MAGI2: variants seen among roughly 807,000 people sequenced by gnomAD.
The protein encoded by MAGI2 is membrane associated guanylate kinase, WW and PDZ domain containing 2, also known as membrane-associated guanylate kinase, WW and PDZ domain-containing protein 2.
A neutral mutation model predicts 133.3 loss-of-function variants in MAGI2; 35 were observed. The observed-to-expected ratio is 0.26, with a 90% CI of 0.20 to 0.35. The LOEUF (loss-of-function observed/expected upper bound fraction) is 0.35, where lower values mean the gene tolerates loss of function less well. Ranked by LOEUF, MAGI2 falls within the 10% of genes least tolerant of loss-of-function variation. The pLI, the probability that MAGI2 is intolerant of heterozygous loss-of-function variation, is 1.00. For missense variants in MAGI2, 1,636 were observed against 1,863.4 expected (o/e 0.88, Z 2.25); for synonymous variants, 729 against 710.6 (o/e 1.03, Z -0.41).
intron 2 of MAGI2, among the ~76,000 whole-genome samples, chr7:79,005,085 GA>G (rs965503054): frequency 0.013 from 1,100 of 85,024 alleles, 3 homozygotes; most frequent in East Asian, 0.045. Flanking sequence ...TCCATCTCAA[GA>G]AAAAAAAAAA....
At chr7:78,810,182 T>TTA (rs1181545986) in intron 2 of MAGI2, among the ~76,000 whole-genome samples, 1 of 152,152 alleles carries the variant, frequency 6.6e-6, no homozygotes, top group Admixed American at 6.5e-5. Flanking sequence ...GATTTTTTTT[T>TTA]TATATAACTA....
intron 1 of MAGI2, among the ~76,000 whole-genome samples, chr7:79,026,949 C>A (rs928389890): frequency 6.6e-5 from 10 of 151,798 alleles, no homozygotes; most frequent in Middle Eastern, 3.2e-3. Context: ...GACCAAAAGA[C>A]ATATTTAAAA....
intron 2 of MAGI2, among the ~76,000 whole-genome samples, chr7:78,644,064 G>C (rs1309857730): frequency 6.6e-6 from 1 of 151,860 alleles, no homozygotes; most frequent in African/African-American, 2.4e-5. Context: ...TTAGAGCAAA[G>C]AACATTAACA....
chr7:79,176,783 T>TA (rs1231330443), intron 1 of MAGI2, among the ~76,000 whole-genome samples: 1 of 151,958 alleles, frequency 6.6e-6, no homozygotes, highest in Non-Finnish European at 1.5e-5. Flanking sequence ...AATAATTTTT[T>TA]AAAAAAATCA....
intron 2 of MAGI2, among the ~76,000 whole-genome samples, chr7:78,784,991 G>A (rs976287333): frequency 1.1e-4 from 16 of 152,208 alleles, no homozygotes; most frequent in African/African-American, 3.4e-4. Context: ...CATGGTGCCT[G>A]GCTAAGATTA....
intron 6 of MAGI2, among the ~76,000 whole-genome samples, chr7:78,476,379 G>A (rs1023359759): frequency 1.3e-5 from 2 of 151,778 alleles, no homozygotes; most frequent in African/African-American, 4.8e-5. Flanking sequence ...AAGATAATGC[G>A]GGAGAAAGTA....
intron 2 of MAGI2, among the ~76,000 whole-genome samples, chr7:78,962,718 A>G (rs533938631): frequency 6.6e-6 from 1 of 152,154 alleles, no homozygotes; most frequent in South Asian, 2.1e-4. Context: ...GGCAATAGTC[A>G]TTATTCAATT....
At chr7:78,484,493 T>C (rs1254433237) in intron 6 of MAGI2, 1 of 151,926 alleles carries the variant, frequency 6.6e-6, no homozygotes, top group Non-Finnish European at 1.5e-5. Flanking sequence ...AGCCACCCAG[T>C]TCATGCAGAT....
intron 2 of MAGI2, among the ~76,000 whole-genome samples, chr7:78,671,108 A>C (rs1814329329): frequency 1.3e-5 from 2 of 152,110 alleles, no homozygotes; most frequent in South Asian, 4.1e-4. Flanking sequence ...CAAACCTATG[A>C]ACAATATCAT....
chr7:78,484,057 A>T (rs1792710359), intron 6 of MAGI2: 1 of 152,066 alleles, frequency 6.6e-6, no homozygotes, highest in Non-Finnish European at 1.5e-5. Context: ...TTATCAAAAC[A>T]AATTTAATGA....
chr7:79,449,553 A>G (rs1849093148), intron 1 of MAGI2, among the ~76,000 whole-genome samples: 1 of 151,954 alleles, frequency 6.6e-6, no homozygotes, highest in African/African-American at 2.4e-5. Flanking sequence ...AGGAAAGAAG[A>G]CCTTTAGCAC....
chr7:78,715,206 C>T (rs531142889), intron 2 of MAGI2, among the ~76,000 whole-genome samples: 37 of 152,102 alleles, frequency 2.4e-4, no homozygotes, highest in African/African-American at 8.9e-4. Flanking sequence ...TATTTTTCTT[C>T]GGTTCCAGTA....
chr7:78,798,277 C>A (rs1416931319), intron 2 of MAGI2, among the ~76,000 whole-genome samples: 1 of 152,062 alleles, frequency 6.6e-6, no homozygotes, highest in African/African-American at 2.4e-5. Context: ...GTTCAATTAT[C>A]CAATTTTGTA....
intron 1 of MAGI2, among the ~76,000 whole-genome samples, chr7:79,013,156 T>C (rs1221468823): frequency 6.6e-6 from 1 of 152,222 alleles, no homozygotes; most frequent in Non-Finnish European, 1.5e-5. Flanking sequence ...GTGCATCTTA[T>C]AATTTGGGAT....
intron 1 of MAGI2, among the ~76,000 whole-genome samples, chr7:79,378,917 T>C (rs1843559776): frequency 1.3e-5 from 1 of 77,676 alleles, no homozygotes; most frequent in South Asian, 4.8e-4. Context: ...TATATATATA[T>C]GTGTGTGTGT....
intron 12 of MAGI2, among the ~76,000 whole-genome samples, chr7:78,186,905 G>A (rs907778559): frequency 2.0e-5 from 3 of 152,018 alleles, no homozygotes; most frequent in Admixed American, 6.6e-5. Context: ...GGTTCTGTCA[G>A]TAGAGAATTT....
At chr7:78,191,548 A>G (rs1427953722) in intron 12 of MAGI2, among the ~76,000 whole-genome samples, 1 of 152,164 alleles carries the variant, frequency 6.6e-6, no homozygotes, top group African/African-American at 2.4e-5. Flanking sequence ...GCAGAGTTCT[A>G]GACACATAGC....
chr7:78,757,467 C>T (rs956920473), intron 2 of MAGI2, among the ~76,000 whole-genome samples: 2 of 152,116 alleles, frequency 1.3e-5, no homozygotes, highest in Non-Finnish European at 2.9e-5. Context: ...TCAAATATTT[C>T]TTCTTTTTAT....
At chr7:78,791,540 TC>T (rs1464391231) in intron 2 of MAGI2, among the ~76,000 whole-genome samples, 4 of 148,442 alleles carry the variant, frequency 2.7e-5, no homozygotes, top group African/African-American at 1.0e-4. Context: ...TGAGAAACAA[TC>T]TTTTTTTTTT....
Sources: gnomAD v4.1 joint callset for allele counts (sites outside exome capture counted in the v4.1 genomes callset) on GRCh38, gnomAD v4.1.1 for gene constraint, MANE v1.5 for transcripts, NCBI Gene and HGNC (gene_info 2026-07-23, HGNC 2026-07-21) for gene names.